EPB41L3: variants seen among roughly 807,000 people sequenced by gnomAD.
EPB41L3 encodes the protein band 4.1-like protein 3.
EPB41L3 carries 57 observed loss-of-function variants against 127.1 expected under a neutral mutation model. That is an observed-to-expected ratio of 0.45 (90% CI 0.36 to 0.56). EPB41L3 has a LOEUF of 0.56. Among genes scored for constraint, EPB41L3 ranks in the 20% least tolerant of loss-of-function variants. EPB41L3 has a pLI of 0.00. For missense variants in EPB41L3, 1,273 were observed against 1,372.2 expected (o/e 0.93, Z 1.14); for synonymous variants, 572 against 549.5 (o/e 1.04, Z -0.57).
chr18:5,411,344 A>G (rs1476707157), intron 13 of EPB41L3, among the ~76,000 whole-genome samples: 1 of 152,256 alleles, frequency 6.6e-6, no homozygotes, highest in African/African-American at 2.4e-5. Flanking sequence ...TGCTCCAAAA[A>G]TACCATTCAA....
intron 8 of EPB41L3, chr18:5,429,335 G>C (rs1037641923): frequency 6.6e-6 from 1 of 152,116 alleles, no homozygotes; most frequent in Non-Finnish European, 1.5e-5. Context: ...GAGGTCATCA[G>C]AGACGTTGTA....
intron 1 of EPB41L3, among the ~76,000 whole-genome samples, chr18:5,535,010 G>A (rs539184323): frequency 1.3e-5 from 2 of 152,256 alleles, no homozygotes; most frequent in South Asian, 2.1e-4. Context: ...TGAGCGGTGG[G>A]TGAGTCAGCA....
intron 1 of EPB41L3, among the ~76,000 whole-genome samples, chr18:5,501,445 C>T (rs986737860): frequency 6.6e-6 from 1 of 152,196 alleles, no homozygotes; most frequent in African/African-American, 2.4e-5. Flanking sequence ...CAGAAACGAA[C>T]ACCAATTAAT....
chr18:5,578,618 G>A (rs2094360472), intron 3 of EPB41L3, among the ~76,000 whole-genome samples: 1 of 152,182 alleles, frequency 6.6e-6, no homozygotes, highest in Non-Finnish European at 1.5e-5. Flanking sequence ...TTTGTGGCAG[G>A]GAAAGCACAT....
chr18:5,426,370 G>A lies in EPB41L3; in HGVS notation c.1065+1943C>T, dbSNP rs2078184077. Among the ~76,000 whole-genome samples, 3 of 152,124 alleles carry A rather than the reference G, an allele frequency of 2.0e-5. No individual in the cohort carries two copies. In the South Asian group the frequency reaches 6.2e-4, roughly 32 times the overall value. Reference sequence around the variant, plus strand: ...AAACTGAAAACCTTTGATTATCCTGGACTTTTCCCTCTTTTAATTACTTCC... The same window carrying A: ...AAACTGAAAACCTTTGATTATCCTGAACTTTTCCCTCTTTTAATTACTTCC... On this transcript the variant is annotated intron_variant, in intron 9 of 22. Transcript: ENST00000341928.
intron 2 of EPB41L3, chr18:5,488,703 A>C (rs80070870): frequency 4.3e-4 from 140 of 328,050 alleles, no homozygotes; most frequent in African/African-American, 2.9e-3. Context: ...CACAAGCATA[A>C]TTAAAGCTCT....
At chr18:5,400,854 C>T in intron 16 of EPB41L3, 7 of 661,728 alleles carry the variant, frequency 1.1e-5, no homozygotes, top group South Asian at 9.6e-5. Context: ...TATGTACCTA[C>T]CTTGGTTTTA....
intron 6 of EPB41L3, among the ~76,000 whole-genome samples, chr18:5,437,074 T>C (rs1414814585): frequency 6.6e-6 from 1 of 152,112 alleles, no homozygotes; most frequent in Non-Finnish European, 1.5e-5. Flanking sequence ...GGTTCTAAGG[T>C]GAATGGAGAG....
intron 1 of EPB41L3, among the ~76,000 whole-genome samples, chr18:5,537,146 G>A (rs1426038021): frequency 6.6e-6 from 1 of 152,126 alleles, no homozygotes; most frequent in East Asian, 1.9e-4. Context: ...GCCCAACCCA[G>A]GTGTGTCCTA....
chr18:5,512,471 G>A (rs529040534), intron 1 of EPB41L3, among the ~76,000 whole-genome samples: 25 of 152,258 alleles, frequency 1.6e-4, no homozygotes, highest in African/African-American at 4.8e-4. Flanking sequence ...CGATCTGACC[G>A]CAAAGGGAAC....
Position 5,397,539 on chromosome 18 carries a change from C to A in EPB41L3, c.2473-113G>T. 1 of 1,278,006 alleles carries A rather than the reference C, an allele frequency of 7.8e-7. No individual in the cohort carries two copies. The highest frequency in any genetic ancestry group is 1.5e-5 in the South Asian group (1 of 67,800). The allele number at this position is 1,278,006 out of a possible 1,614,324, so 79.2% of individuals were successfully genotyped here. A position where few individuals can be genotyped will look rare whatever the true frequency, so the allele number is the denominator to read the frequency against. Reference sequence around the variant, plus strand: ...TAAAGCCAGCAGCAAGTGCTTATAACCAGAAACACTGACGAAAAATATAAA... The same window carrying A: ...TAAAGCCAGCAGCAAGTGCTTATAAACAGAAACACTGACGAAAAATATAAA... On this transcript the variant is annotated intron_variant, in intron 17 of 22. Coordinates refer to ENST00000341928, the MANE Select transcript of EPB41L3 (RefSeq NM_012307.5). The surrounding 1 kb of genome is among the most constrained non-coding windows in gnomAD (Gnocchi z 4.1).
chr18:5,536,328 A>G (rs554547772), intron 1 of EPB41L3, among the ~76,000 whole-genome samples: 6 of 151,096 alleles, frequency 4.0e-5, no homozygotes, highest in East Asian at 2.0e-4. Context: ...CAGCAAGCAG[A>G]AGGAGGCAGA....
chr18:5,413,161 TATAA>T (rs2076405064), intron 13 of EPB41L3, among the ~76,000 whole-genome samples: 2 of 152,356 alleles, frequency 1.3e-5, no homozygotes, highest in South Asian at 4.1e-4. Context: ...TTTAAAATGT[TATAA>T]ATCAGTTAAT....
At chr18:5,407,462 A>G in intron 15 of EPB41L3, 1 of 563,328 alleles carries the variant, frequency 1.8e-6, no homozygotes, top group East Asian at 2.9e-5. Flanking sequence ...ACTATGTTTG[A>G]CATACACATT....
chr18:5,576,754 T>G (rs1480940185), intron 3 of EPB41L3, among the ~76,000 whole-genome samples: 1 of 152,232 alleles, frequency 6.6e-6, no homozygotes, highest in East Asian at 1.9e-4. Flanking sequence ...CCAGTTGTTT[T>G]TACAATTACT....
chr18:5,593,185 C>A (rs2094502341), intron 3 of EPB41L3, among the ~76,000 whole-genome samples: 1 of 151,540 alleles, frequency 6.6e-6, no homozygotes, highest in Non-Finnish European at 1.5e-5. Flanking sequence ...TGCATAATTC[C>A]CACCCACCTC....
At position 5,445,166 on chromosome 18, in the gene EPB41L3, TA is replaced by T; in HGVS notation, c.459del (p.Thr154ArgfsTer18). 6.2e-7 allele frequency: 1 copy of T among 1,614,126 alleles called. No homozygotes were observed. The highest frequency in any genetic ancestry group is 8.5e-7 in the Non-Finnish European group (1 of 1,180,008). ...LNLLEKDYFG[L>X]TYRDAENQKN... ...TTCTGGTTTTCAGCATCTCGATACG[TA>T]AGCCCAAAGTAGTCTTTCTCTAGCA... On this transcript the variant is annotated frameshift_variant, in exon 4 of 23. Transcript: ENST00000341928. LOFTEE classifies it high-confidence loss of function.
intron 13 of EPB41L3, among the ~76,000 whole-genome samples, chr18:5,411,941 T>C (rs1396991777): frequency 6.6e-6 from 1 of 152,106 alleles, no homozygotes; most frequent in Admixed American, 6.5e-5. Flanking sequence ...AAGTGGAAAA[T>C]AATTTTCTGT....
chr18:5,492,137 T>C (rs2090667800), intron 1 of EPB41L3, among the ~76,000 whole-genome samples: 1 of 152,106 alleles, frequency 6.6e-6, no homozygotes, highest in South Asian at 2.1e-4. Flanking sequence ...CTGAACAACA[T>C]GGTAAAACCC....
Sources: allele counts gnomAD v4.1 joint callset (sites outside exome capture counted in the v4.1 genomes callset), GRCh38; gene constraint gnomAD v4.1.1; non-coding constraint Gnocchi (gnomAD v3.1); transcripts MANE v1.5; gene names NCBI Gene and HGNC (gene_info 2026-07-23, HGNC 2026-07-21).